ZFPM2: variants seen among roughly 807,000 people sequenced by gnomAD.
The protein encoded by ZFPM2 is zinc finger protein, FOG family member 2, also known as zinc finger protein ZFPM2.
In ZFPM2, 20 loss-of-function variants were observed where a neutral mutation model predicts 98.6. The observed-to-expected ratio is 0.20, with a 90% CI of 0.14 to 0.29. ZFPM2 has a LOEUF of 0.29. Among genes scored for constraint, ZFPM2 ranks in the 10% least tolerant of loss-of-function variants. The pLI is 1.00. For synonymous variants in ZFPM2, 518 were observed against 502.7 expected, an observed-to-expected ratio of 1.03 and a Z score of -0.41; for missense variants, 1,310 against 1,388.6, an observed-to-expected ratio of 0.94 and a Z score of 0.90.
chr8:105,356,530 G>A (rs752414324), intron 1 of ZFPM2, among the ~76,000 whole-genome samples: 2 of 152,304 alleles, frequency 1.3e-5, no homozygotes, highest in East Asian at 1.9e-4. Context: ...GTAAGCAGTT[G>A]TGTTGCTTTT....
intron 5 of ZFPM2, among the ~76,000 whole-genome samples, chr8:105,688,431 A>G (rs1319750258): frequency 6.6e-6 from 1 of 152,164 alleles, no homozygotes; most frequent in Non-Finnish European, 1.5e-5. Flanking sequence ...TTCAAATAAA[A>G]AATAACAAAA....
chr8:105,563,840 A>G (rs1220968647), intron 4 of ZFPM2, among the ~76,000 whole-genome samples: 2 of 152,152 alleles, frequency 1.3e-5, no homozygotes, highest in African/African-American at 4.8e-5. Flanking sequence ...AATCATTTGT[A>G]TATTTCTTCA....
intron 1 of ZFPM2, among the ~76,000 whole-genome samples, chr8:105,397,324 T>C (rs1326468402): frequency 6.6e-6 from 1 of 151,820 alleles, no homozygotes; most frequent in Non-Finnish European, 1.5e-5. Context: ...TCACATAACT[T>C]AAGTAACATA....
chr8:105,509,470 G>T (rs533080780), intron 3 of ZFPM2, among the ~76,000 whole-genome samples: 6 of 152,136 alleles, frequency 3.9e-5, no homozygotes, highest in Admixed American at 2.0e-4. Context: ...AGGGGGAATT[G>T]CTCGTAATGT....
intron 6 of ZFPM2, among the ~76,000 whole-genome samples, chr8:105,796,193 G>A (rs1813807472): frequency 6.6e-6 from 1 of 151,580 alleles, no homozygotes; most frequent in Admixed American, 6.6e-5. Flanking sequence ...GATTCTGATA[G>A]TGAGGAACTG....
intron 5 of ZFPM2, among the ~76,000 whole-genome samples, chr8:105,689,574 C>T (rs1810827367): frequency 6.6e-6 from 1 of 152,106 alleles, no homozygotes; most frequent in African/African-American, 2.4e-5. Context: ...AACAATCACA[C>T]TCTGTCATTA....
At chr8:105,444,184 T>G in intron 2 of ZFPM2, 96 bp from the exon 3 acceptor site, 1 of 907,002 alleles carries the variant, frequency 1.1e-6, no homozygotes, top group Non-Finnish European at 1.8e-6. Flanking sequence ...AAACCTGTAA[T>G]TAGATATATG....
rs1431808697 is a variant in ZFPM2, at chr8:105,318,961, G to A, written c.20G>A (p.Ser7Asn). 4 of 1,476,724 alleles carry A rather than the reference G, an allele frequency of 2.7e-6. No individual in the cohort carries two copies. The highest frequency in any genetic ancestry group is 3.6e-6 in the Non-Finnish European group (4 of 1,104,978). 91.5% of individuals were successfully genotyped at this position (1,476,724 alleles called of 1,614,324 possible). Reference sequence around the variant, plus strand: ...GCCGAGATGTCCCGGCGAAAGCAAAGCAAACCCCGGCAGATCAAACGTAAG... The same window carrying A: ...GCCGAGATGTCCCGGCGAAAGCAAAACAAACCCCGGCAGATCAAACGTAAG... Reference protein sequence around the residue: MSRRKQSKPRQIKRPLE... With the variant: MSRRKQNKPRQIKRPLE... Residue 7 changes from serine (S) to asparagine (N), a missense_variant, in exon 1 of 8, where the codon AGC becomes AAC. Physicochemically the swap from Ser to Asn is conservative, Grantham distance 46 (BLOSUM62 1). Coordinates refer to ENST00000407775, the MANE Select transcript of ZFPM2 (RefSeq NM_012082.4).
chr8:105,610,785 C>G (rs1421346357), intron 4 of ZFPM2, among the ~76,000 whole-genome samples: 1 of 152,196 alleles, frequency 6.6e-6, no homozygotes, highest in African/African-American at 2.4e-5. Flanking sequence ...ATCTGCTCTG[C>G]ACATGGCCTC....
At chr8:105,754,743 A>G (rs1017243582) in intron 5 of ZFPM2, among the ~76,000 whole-genome samples, 2 of 151,414 alleles carry the variant, frequency 1.3e-5, no homozygotes, top group Admixed American at 1.3e-4. Context: ...TTTAACACAG[A>G]TATGTCTGAG....
At chr8:105,395,011 T>C (rs2129955054) in intron 1 of ZFPM2, among the ~76,000 whole-genome samples, 1 of 152,278 alleles carries the variant, frequency 6.6e-6, no homozygotes, top group Non-Finnish European at 1.5e-5. Context: ...ACTAGAACTC[T>C]GTAATTCAGT....
chr8:105,751,534 G>A (rs558516874), intron 5 of ZFPM2, among the ~76,000 whole-genome samples: 1 of 152,128 alleles, frequency 6.6e-6, no homozygotes, highest in Admixed American at 6.6e-5. Context: ...CACATACTGT[G>A]GAGTCAGAAT....
chr8:105,500,743 A>T (rs1813575082), intron 3 of ZFPM2, among the ~76,000 whole-genome samples: 1 of 152,168 alleles, frequency 6.6e-6, no homozygotes. Context: ...TCTTAAAAAA[A>T]CCCATAGAAG....
intron 3 of ZFPM2, among the ~76,000 whole-genome samples, chr8:105,534,814 G>A (rs1317868754): frequency 6.6e-6 from 1 of 152,152 alleles, no homozygotes; most frequent in Non-Finnish European, 1.5e-5. Context: ...TGAGCTGTGA[G>A]TACTGGAGGA....
At chr8:105,509,465 GA>G (rs1277982989) in intron 3 of ZFPM2, among the ~76,000 whole-genome samples, 1 of 152,118 alleles carries the variant, frequency 6.6e-6, no homozygotes, top group Non-Finnish European at 1.5e-5. Context: ...GTGCCAGGGG[GA>G]ATTGCTCGTA....
intron 3 of ZFPM2, among the ~76,000 whole-genome samples, chr8:105,521,132 T>TGCACAC (rs1326695841): frequency 6.7e-6 from 1 of 148,518 alleles, no homozygotes; most frequent in Non-Finnish European, 1.5e-5. Flanking sequence ...TATATATATA[T>TGCACAC]ACACACACAC....
At chr8:105,457,097 A>G (rs1431363918) in intron 3 of ZFPM2, among the ~76,000 whole-genome samples, 1 of 152,210 alleles carries the variant, frequency 6.6e-6, no homozygotes, top group African/African-American at 2.4e-5. Flanking sequence ...TATAATATAC[A>G]TTTGTACTAT....
intron 3 of ZFPM2, among the ~76,000 whole-genome samples, chr8:105,505,687 T>C (rs1170529391): frequency 6.6e-6 from 1 of 152,144 alleles, no homozygotes. Flanking sequence ...TTTCAAATAT[T>C]ATTACTACTC....
chr8:105,635,219 G>A (rs1196023897), intron 5 of ZFPM2, among the ~76,000 whole-genome samples: 3 of 152,100 alleles, frequency 2.0e-5, no homozygotes, highest in Non-Finnish European at 4.4e-5. Flanking sequence ...GATCAAAGAT[G>A]TATTTGCACA....
Sources: allele counts gnomAD v4.1 joint callset (sites outside exome capture counted in the v4.1 genomes callset), GRCh38; gene constraint gnomAD v4.1.1; transcripts MANE v1.5; gene names NCBI Gene and HGNC (gene_info 2026-07-23, HGNC 2026-07-21).